Variants in PACRG observed in about 807,000 individuals in gnomAD.
PACRG encodes the protein parkin coregulated.
In PACRG, 29 loss-of-function variants were observed where a neutral mutation model predicts 29.7. The observed-to-expected ratio is 0.98, with a 90% confidence interval of 0.73 to 1.33. The LOEUF is 1.33. Ranked by LOEUF, PACRG falls within the 40% of genes most tolerant of loss-of-function variation. The pLI, the probability that PACRG is intolerant of heterozygous loss-of-function variation, is 0.00. For missense variants in PACRG, 279 were observed against 316.2 expected, an observed-to-expected ratio of 0.88 and a Z score of 0.89; for synonymous variants, 116 against 118.7, an observed-to-expected ratio of 0.98 and a Z score of 0.15.
intron 4 of PACRG, among the ~76,000 whole-genome samples, chr6:163,170,060 C>T (rs1218951943): frequency 1.2e-4 from 18 of 152,134 alleles, no homozygotes; most frequent in Non-Finnish European, 1.5e-5. Context: ...CTCAAAGACA[C>T]TTCTCCAAAT....
At chr6:162,877,438 G>A (rs142478078) in intron 2 of PACRG, among the ~76,000 whole-genome samples, 147 of 152,216 alleles carry the variant, frequency 9.7e-4, no homozygotes, top group African/African-American at 3.2e-3. Flanking sequence ...CCTGTTGGGA[G>A]GTTGGGGGCT....
At chr6:163,123,056 C>T (rs1816364753) in intron 4 of PACRG, among the ~76,000 whole-genome samples, 1 of 152,198 alleles carries the variant, frequency 6.6e-6, no homozygotes, top group African/African-American at 2.4e-5. Flanking sequence ...AAGAAGAAAA[C>T]AGCTCCCCGG....
intron 4 of PACRG, among the ~76,000 whole-genome samples, chr6:163,265,587 G>A (rs936460416): frequency 6.6e-6 from 1 of 152,184 alleles, no homozygotes. Context: ...TAAGCATATA[G>A]TGTTAGCTGA....
At chr6:162,989,923 G>A (rs1584949841) in intron 2 of PACRG, among the ~76,000 whole-genome samples, 7 of 149,794 alleles carry the variant, frequency 4.7e-5, no homozygotes, top group Admixed American at 2.0e-4. Flanking sequence ...AGAGTGTGAT[G>A]TTCCCCTTCA....
chr6:163,148,956 T>C (rs898574136), intron 4 of PACRG, among the ~76,000 whole-genome samples: 11 of 7,006 alleles, frequency 1.6e-3, no homozygotes, highest in African/African-American at 7.3e-3. Flanking sequence ...GTGAAAAATC[T>C]ATGGCGGGGG....
rs71008111 is a variant in PACRG, at chr6:162,785,168, C to CAGAGAG, written c.157-28950_157-28945dup. On this transcript the variant is annotated intron_variant, in intron 1 of 4. Transcript: ENST00000366888. Reference sequence around the variant, plus strand: ...ACAAAGAAAGAGAGAATGAGGGAGGCAGAGAGAGAGAGAGAGAGAGAGAGA... The same window carrying CAGAGAG: ...ACAAAGAAAGAGAGAATGAGGGAGGCAGAGAGAGAGAGAGAGAGAGAGAGAGAGAGA... Among the ~76,000 whole-genome samples the CAGAGAG allele has an allele frequency of 5.5e-3, 766 of 138,106 alleles. 8 individuals carry two copies. The highest frequency in any genetic ancestry group is 0.016 in the African/African-American group (617 of 37,908). 90.6% of individuals were successfully genotyped at this position (138,106 alleles called of 152,430 possible).
chr6:162,871,440 CT>C (rs1230917843), intron 2 of PACRG, among the ~76,000 whole-genome samples: 11 of 149,842 alleles, frequency 7.3e-5, no homozygotes, highest in Non-Finnish European at 1.3e-4. Flanking sequence ...ACTATACAAA[CT>C]ATAGCAATAA....
At chr6:163,093,116 C>A (rs888342479) in intron 4 of PACRG, among the ~76,000 whole-genome samples, 9 of 152,322 alleles carry the variant, frequency 5.9e-5, no homozygotes, top group African/African-American at 2.2e-4. Flanking sequence ...CCTTTCCTGG[C>A]ATAATCTCTC....
At chr6:162,811,394 G>A (rs943539474) in intron 1 of PACRG, among the ~76,000 whole-genome samples, 3 of 151,994 alleles carry the variant, frequency 2.0e-5, no homozygotes, top group African/African-American at 4.8e-5. Context: ...TAAATAAAAC[G>A]GGCCAATTCC....
At chr6:162,841,300 A>G (rs1282058957) in intron 2 of PACRG, among the ~76,000 whole-genome samples, 3 of 147,242 alleles carry the variant, frequency 2.0e-5, no homozygotes, top group East Asian at 2.1e-4. Context: ...TCAGAGATTC[A>G]ACTTCTTCCT....
chr6:163,097,768 A>G (rs573433661), intron 4 of PACRG, among the ~76,000 whole-genome samples: 13 of 152,316 alleles, frequency 8.5e-5, no homozygotes, highest in African/African-American at 3.1e-4. Flanking sequence ...AAAGAGTGTC[A>G]GGGTCAAGAT....
intron 2 of PACRG, among the ~76,000 whole-genome samples, chr6:163,059,253 G>T (rs889137246): frequency 2.0e-5 from 3 of 152,036 alleles, no homozygotes; most frequent in South Asian, 2.1e-4. Context: ...TCTTTCAATT[G>T]CTCCGTCTTT....
At chr6:162,896,932 T>C (rs1795212248) in intron 2 of PACRG, among the ~76,000 whole-genome samples, 1 of 152,240 alleles carries the variant, frequency 6.6e-6, no homozygotes, top group African/African-American at 2.4e-5. Context: ...GACAACTTAA[T>C]TAATGAAGAG....
At chr6:163,281,852 A>G (rs1162304784) in intron 4 of PACRG, among the ~76,000 whole-genome samples, 1 of 152,208 alleles carries the variant, frequency 6.6e-6, no homozygotes, top group Non-Finnish European at 1.5e-5. Flanking sequence ...TTCCAAATTC[A>G]ATTAACTTTA....
At chr6:163,215,028 T>C (rs1781306474) in intron 4 of PACRG, among the ~76,000 whole-genome samples, 1 of 152,164 alleles carries the variant, frequency 6.6e-6, no homozygotes, top group Non-Finnish European at 1.5e-5. Context: ...CCTCCTCTAA[T>C]ATATTACTAG....
At chr6:162,924,615 A>C (rs1797298293) in intron 2 of PACRG, among the ~76,000 whole-genome samples, 1 of 152,108 alleles carries the variant, frequency 6.6e-6, no homozygotes, top group Non-Finnish European at 1.5e-5. Flanking sequence ...AATTTTATTA[A>C]ATGCTTTTTT....
intron 2 of PACRG, among the ~76,000 whole-genome samples, chr6:162,897,173 T>G (rs994947443): frequency 1.3e-5 from 2 of 152,160 alleles, no homozygotes; most frequent in African/African-American, 4.8e-5. Flanking sequence ...GTGAGAGAAA[T>G]TTGGAATTCC....
chr6:162,758,218 T>C (rs1445485040), intron 1 of PACRG, among the ~76,000 whole-genome samples: 1 of 152,230 alleles, frequency 6.6e-6, no homozygotes, highest in East Asian at 1.9e-4. Flanking sequence ...ATTATTTTTC[T>C]TGATCTATTA....
At chr6:162,756,832 C>A (rs533346700) in intron 1 of PACRG, among the ~76,000 whole-genome samples, 1 of 152,090 alleles carries the variant, frequency 6.6e-6, no homozygotes, top group Non-Finnish European at 1.5e-5. Context: ...TTCGTAGTCA[C>A]CATGAGACTT....
Sources: allele counts gnomAD v4.1 joint callset (sites outside exome capture counted in the v4.1 genomes callset), GRCh38; gene constraint gnomAD v4.1.1; transcripts MANE v1.5; gene names NCBI Gene and HGNC (gene_info 2026-07-23, HGNC 2026-07-21).